SYTL5: variants seen among roughly 807,000 people sequenced by gnomAD.
SYTL5 encodes synaptotagmin like 5, also known as synaptotagmin-like protein 5.
In SYTL5, 34 loss-of-function variants were observed where a neutral mutation model predicts 55.9. That is an observed-to-expected ratio of 0.61 (90% confidence interval 0.46 to 0.81). The LOEUF (loss-of-function observed/expected upper bound fraction) is 0.81. Ranked by LOEUF, SYTL5 falls within the 30% of genes least tolerant of loss-of-function variation. The pLI, the probability that SYTL5 is intolerant of heterozygous loss-of-function variation, is 0.00. For synonymous variants in SYTL5, 221 were observed against 188.7 expected (o/e 1.17, Z -1.40); for missense variants, 637 against 546.7 (o/e 1.17, Z -1.65).
chrX:38,084,522 T>G (rs944645541), intron 6 of SYTL5, among the ~76,000 whole-genome samples: 8 of 110,909 alleles, frequency 7.2e-5, no homozygotes, highest in African/African-American at 2.6e-4. Context: ...GATCTGACAC[T>G]CTCTTTGAAT....
chrX:37,940,871 C>T, the SYTL5 span, among the ~76,000 whole-genome samples: 4 of 110,500 alleles, frequency 3.6e-5, no homozygotes, highest in African/African-American at 1.3e-4. Flanking sequence ...TGACAGAGTC[C>T]AGTGAAAGAA....
intron 1 of SYTL5, among the ~76,000 whole-genome samples, chrX:38,017,384 C>G (rs1227848823): frequency 9.0e-6 from 1 of 111,703 alleles, no homozygotes; most frequent in Non-Finnish European, 1.9e-5. Flanking sequence ...TAGTGTGATA[C>G]TTCTTGCAGC....
chrX:37,993,589 A>T, the SYTL5 span, among the ~76,000 whole-genome samples: 1 of 112,883 alleles, frequency 8.9e-6, no homozygotes, highest in Non-Finnish European at 1.9e-5. Flanking sequence ...GGCGGATATT[A>T]TAAGCCATTC....
At position 38,101,415 on chromosome X, in the gene SYTL5, A is replaced by G. The variant is rs776193412; in HGVS notation, c.1063-927A>G. Among the ~76,000 whole-genome samples the G allele has an allele frequency of 2.7e-5, 3 of 111,332 alleles. No individual in the cohort carries two copies. The South Asian group carries it at 1.1e-3, about 42-fold the overall frequency. On this transcript the variant is annotated intron_variant, in intron 9 of 16. Transcript: ENST00000297875. ...CATCATAATCCTGATTTATAAAACT[A>G]TAGTTAAAAAAATTCCCATGAATGT... is the stretch of plus-strand genomic sequence containing the variant.
intron 1 of SYTL5, among the ~76,000 whole-genome samples, chrX:38,010,641 ACT>A (rs1394043319): frequency 9.0e-6 from 1 of 111,547 alleles, no homozygotes; most frequent in Non-Finnish European, 1.9e-5. Context: ...GAGAAAGCTG[ACT>A]CAACTGTCCT....
chrX:37,944,980 A>G, the SYTL5 span, among the ~76,000 whole-genome samples: 1 of 112,686 alleles, frequency 8.9e-6, no homozygotes, highest in Non-Finnish European at 1.9e-5. Flanking sequence ...AATTAAATAG[A>G]TGGTCGACTG....
chrX:37,945,911 T>G, the SYTL5 span: 1 of 176,406 alleles, frequency 5.7e-6, no homozygotes, highest in Non-Finnish European at 1.2e-5. Context: ...TGCCAGCATC[T>G]GTAGTTCAGC....
chrX:38,085,524 A>T (rs1936644209), intron 6 of SYTL5, among the ~76,000 whole-genome samples: 1 of 112,236 alleles, frequency 8.9e-6, no homozygotes, highest in Admixed American at 9.5e-5. Context: ...TTCTAACTGC[A>T]ACCTTCCTTG....
chrX:37,903,509 A>G, the SYTL5 span, among the ~76,000 whole-genome samples: 1 of 93,980 alleles, frequency 1.1e-5, no homozygotes, highest in Non-Finnish European at 2.1e-5. Flanking sequence ...ATGAGAACAC[A>G]TGGACACAGG....
the SYTL5 span, among the ~76,000 whole-genome samples, chrX:37,940,559 G>C: frequency 1.2e-4 from 12 of 104,187 alleles, no homozygotes; most frequent in Non-Finnish European, 2.1e-4. Flanking sequence ...AGGTATACAT[G>C]TTTAGTATAC....
intron 6 of SYTL5, among the ~76,000 whole-genome samples, chrX:38,077,450 A>G (rs1936420500): frequency 9.0e-6 from 1 of 111,369 alleles, no homozygotes; most frequent in Non-Finnish European, 1.9e-5. Context: ...TAGTACAAGT[A>G]GCAGATTTTC....
chrX:38,050,583 C>A (rs1426261880), intron 2 of SYTL5, among the ~76,000 whole-genome samples: 1 of 110,517 alleles, frequency 9.0e-6, no homozygotes, highest in East Asian at 2.8e-4. Flanking sequence ...TCAGAGAAAA[C>A]CTTCCCTGGG....
intron 1 of SYTL5, among the ~76,000 whole-genome samples, chrX:38,030,611 C>T (rs888807127): frequency 8.9e-6 from 1 of 111,989 alleles, no homozygotes; most frequent in Non-Finnish European, 1.9e-5. Flanking sequence ...GAAGGGAAGC[C>T]GGAAGTTGTT....
chrX:37,987,199 A>G, the SYTL5 span, among the ~76,000 whole-genome samples: 5 of 112,122 alleles, frequency 4.5e-5, no homozygotes, highest in Non-Finnish European at 9.4e-5. Flanking sequence ...AACATTTAAA[A>G]TAACATTTTA....
At chrX:37,989,666 G>C in the SYTL5 span, among the ~76,000 whole-genome samples, 2 of 111,768 alleles carry the variant, frequency 1.8e-5, no homozygotes, top group East Asian at 5.6e-4. Flanking sequence ...GAATGGCAAA[G>C]TTATTGGCTG....
the SYTL5 span, among the ~76,000 whole-genome samples, chrX:37,978,156 C>T: frequency 1.8e-5 from 2 of 111,194 alleles, no homozygotes; most frequent in African/African-American, 6.5e-5. Flanking sequence ...AGCAGGAGGT[C>T]GTGGCAAATA....
chrX:37,955,156 A>G, the SYTL5 span, among the ~76,000 whole-genome samples: 1 of 111,233 alleles, frequency 9.0e-6, no homozygotes, highest in Non-Finnish European at 1.9e-5. Flanking sequence ...TTATAAAAAA[A>G]TCAGAGAGGA....
chrX:38,029,850 T>A (rs80226617), intron 1 of SYTL5, among the ~76,000 whole-genome samples: 2 of 50,355 alleles, frequency 4.0e-5, no homozygotes, highest in African/African-American at 8.2e-4. Context: ...TAAAAATATC[T>A]CACACACACA....
At chrX:38,050,491 C>A (rs1184831811) in intron 2 of SYTL5, among the ~76,000 whole-genome samples, 1 of 111,219 alleles carries the variant, frequency 9.0e-6, no homozygotes, top group Non-Finnish European at 1.9e-5. Flanking sequence ...ACATATAGGT[C>A]AGCAATTTAT....
Sources: gnomAD v4.1 joint callset for allele counts (sites outside exome capture counted in the v4.1 genomes callset) on GRCh38, gnomAD v4.1.1 for gene constraint, MANE v1.5 for transcripts, NCBI Gene and HGNC (gene_info 2026-07-23, HGNC 2026-07-21) for gene names.